VKORC1L1: variants seen among roughly 807,000 people sequenced by gnomAD.
VKORC1L1 encodes the protein vitamin K epoxide reductase complex subunit 1L1, also known as vitamin K epoxide reductase complex subunit 1-like protein 1.
A neutral mutation model predicts 18.9 loss-of-function variants in VKORC1L1; 2 were observed. That is an observed-to-expected ratio of 0.11 (90% CI 0.04 to 0.33). The LOEUF (loss-of-function observed/expected upper bound fraction) is 0.33, where lower values mean the gene tolerates loss of function less well. Ranked by LOEUF, VKORC1L1 falls within the 10% of genes least tolerant of loss-of-function variation. VKORC1L1 has a pLI of 1.00. For synonymous variants in VKORC1L1, 96 were observed against 100.0 expected, an observed-to-expected ratio of 0.96 and a Z score of 0.24; for missense variants, 123 against 224.1, an observed-to-expected ratio of 0.55 and a Z score of 2.88.
intron 1 of VKORC1L1, among the ~76,000 whole-genome samples, chr7:65,908,699 T>G (rs539918494): frequency 7.3e-5 from 11 of 151,478 alleles, no homozygotes; most frequent in African/African-American, 2.7e-4. Context: ...TAGCTGGGTG[T>G]GGTGGCATGC....
chr7:65,907,996 C>T (rs995657579), intron 1 of VKORC1L1, among the ~76,000 whole-genome samples: 1 of 152,144 alleles, frequency 6.6e-6, no homozygotes, highest in African/African-American at 2.4e-5. Context: ...AACAAGCAAG[C>T]AGTGTGTCAG....
At chr7:65,874,381 G>T (rs1562978066) in intron 1 of VKORC1L1, among the ~76,000 whole-genome samples, 2 of 151,874 alleles carry the variant, frequency 1.3e-5, no homozygotes, top group South Asian at 4.2e-4. Flanking sequence ...TTGCCTATTA[G>T]CATATTCGAG....
At chr7:65,914,607 A>G (rs1186953033) in intron 1 of VKORC1L1, among the ~76,000 whole-genome samples, 1 of 152,202 alleles carries the variant, frequency 6.6e-6, no homozygotes, top group Admixed American at 6.5e-5. Flanking sequence ...TGGTAACAGC[A>G]TTCTTTCTGC....
intron 1 of VKORC1L1, among the ~76,000 whole-genome samples, chr7:65,876,169 A>G (rs1200896409): frequency 6.6e-6 from 1 of 152,222 alleles, no homozygotes; most frequent in African/African-American, 2.4e-5. Context: ...ACAATAACAC[A>G]CCACTATCTC....
At chr7:65,916,260 G>T (rs1023378213) in intron 1 of VKORC1L1, among the ~76,000 whole-genome samples, 3 of 151,892 alleles carry the variant, frequency 2.0e-5, no homozygotes, top group Admixed American at 6.6e-5. Context: ...TGGTTCCCTA[G>T]CATTTCCCAT....
At chr7:65,918,422 A>G (rs1479468535) in intron 1 of VKORC1L1, among the ~76,000 whole-genome samples, 2 of 152,232 alleles carry the variant, frequency 1.3e-5, no homozygotes, top group African/African-American at 4.8e-5. Context: ...TGAAATTACT[A>G]AGACATAATG....
At chr7:65,943,780 A>G (rs1323016831) in intron 1 of VKORC1L1, among the ~76,000 whole-genome samples, 1 of 152,178 alleles carries the variant, frequency 6.6e-6, no homozygotes, top group Non-Finnish European at 1.5e-5. Context: ...GGGCAACAAT[A>G]GTGAAACTCT....
At chr7:65,888,745 A>G (rs1389879710) in intron 1 of VKORC1L1, among the ~76,000 whole-genome samples, 1 of 152,218 alleles carries the variant, frequency 6.6e-6, no homozygotes, top group Non-Finnish European at 1.5e-5. Flanking sequence ...GATGCTGCCC[A>G]GTACACTCAG....
At chr7:65,885,880 A>C (rs1258780576) in intron 1 of VKORC1L1, among the ~76,000 whole-genome samples, 4 of 152,214 alleles carry the variant, frequency 2.6e-5, no homozygotes. Flanking sequence ...TTCTAGAATA[A>C]TTTTGATGAG....
intron 1 of VKORC1L1, among the ~76,000 whole-genome samples, chr7:65,939,121 T>C (rs1399794019): frequency 1.3e-5 from 2 of 152,276 alleles, no homozygotes; most frequent in South Asian, 2.1e-4. Context: ...ATAGGAAAAT[T>C]GAAGTGATTG....
intron 1 of VKORC1L1, among the ~76,000 whole-genome samples, chr7:65,914,572 C>T (rs1789555907): frequency 6.6e-6 from 1 of 152,218 alleles, no homozygotes; most frequent in Admixed American, 6.5e-5. Flanking sequence ...CTCTCACAGC[C>T]CATATACCAT....
At chr7:65,873,713 G>T (rs564939848) in intron 1 of VKORC1L1, 148 bp downstream of exon 1, 1 of 764,882 alleles carries the variant, frequency 1.3e-6, no homozygotes, top group Non-Finnish European at 1.7e-6. Flanking sequence ...GGGCCAGGCG[G>T]GGGGCGGCGG....
At chr7:65,868,892 A>G (rs570653158), upstream of VKORC1L1, among the ~76,000 whole-genome samples, 67 of 152,258 alleles carry the variant, frequency 4.4e-4, no homozygotes, top group South Asian at 0.013. Flanking sequence ...CACAAAGCCC[A>G]GACCTCAGCA....
intron 1 of VKORC1L1, among the ~76,000 whole-genome samples, chr7:65,931,802 C>T (rs533505474): frequency 6.6e-5 from 10 of 152,058 alleles, no homozygotes; most frequent in African/African-American, 2.2e-4. Context: ...CCACCATGCC[C>T]GGCTACTTTT....
chr7:65,906,823 G>A (rs559660533), intron 1 of VKORC1L1, among the ~76,000 whole-genome samples: 5 of 152,282 alleles, frequency 3.3e-5, no homozygotes, highest in African/African-American at 9.6e-5. Context: ...CAGAATGAAG[G>A]ACATTTGAGA....
At chr7:65,873,684 A>G (rs2116314369) in intron 1 of VKORC1L1, 119 bp downstream of exon 1, 1 of 875,636 alleles carries the variant, frequency 1.1e-6, no homozygotes, top group East Asian at 4.4e-5. Context: ...GCCGCTGGGG[A>G]ACTGACGGGG....
intron 1 of VKORC1L1, among the ~76,000 whole-genome samples, chr7:65,917,434 C>T (rs1005036265): frequency 1.3e-5 from 2 of 152,192 alleles, no homozygotes; most frequent in African/African-American, 4.8e-5. Flanking sequence ...CCTCTCCTTC[C>T]TTGATACACT....
intron 2 of VKORC1L1, among the ~76,000 whole-genome samples, chr7:65,952,004 T>G (rs1482794135): frequency 3.3e-5 from 5 of 152,222 alleles, no homozygotes; most frequent in African/African-American, 1.2e-4. Context: ...TTAATGGATA[T>G]CTGGTATTTA....
At chr7:65,875,832 T>C (rs1029793408) in intron 1 of VKORC1L1, among the ~76,000 whole-genome samples, 4 of 152,176 alleles carry the variant, frequency 2.6e-5, no homozygotes, top group African/African-American at 9.7e-5. Flanking sequence ...GAAAAGAAAG[T>C]TTGAGCCCAG....
Sources: allele counts gnomAD v4.1 joint callset (sites outside exome capture counted in the v4.1 genomes callset), GRCh38; gene constraint gnomAD v4.1.1; transcripts MANE v1.5; gene names NCBI Gene and HGNC (gene_info 2026-07-23, HGNC 2026-07-21).